EPB41: variants seen among roughly 807,000 people sequenced by gnomAD.
EPB41 encodes erythrocyte membrane protein band 4.1, also known as protein 4.1.
Under a neutral mutation model 108.0 loss-of-function variants are expected in EPB41, and 65 were observed. That is an observed-to-expected ratio of 0.60 (90% CI 0.49 to 0.74). The LOEUF is 0.74. Among genes scored for constraint, EPB41 ranks in the 30% least tolerant of loss-of-function variants. EPB41 has a pLI of 0.00. For missense variants in EPB41, 875 were observed against 1,037.0 expected (o/e 0.84, Z 2.15); for synonymous variants, 336 against 358.9 (o/e 0.94, Z 0.72).
chr1:28,925,482 A>G (rs1570695160), intron 1 of EPB41, among the ~76,000 whole-genome samples: 1 of 152,116 alleles, frequency 6.6e-6, no homozygotes, highest in East Asian at 1.9e-4. Context: ...AAGACATCAG[A>G]TTTTAGTGAG....
chr1:29,086,938 T>TCC (rs1659198838), intron 16 of EPB41, among the ~76,000 whole-genome samples: 1 of 112,616 alleles, frequency 8.9e-6, no homozygotes, highest in Non-Finnish European at 2.0e-5. Flanking sequence ...TTAACTGTGG[T>TCC]TCTTTTTTTT....
chr1:28,893,134 T>G (rs2147835320), intron 1 of EPB41, among the ~76,000 whole-genome samples: 1 of 151,150 alleles, frequency 6.6e-6, no homozygotes, highest in South Asian at 2.1e-4. Flanking sequence ...CAGGTTAGAG[T>G]ACAATGGGGT....
At chr1:29,093,473 A>G (rs1662046107) in intron 16 of EPB41, among the ~76,000 whole-genome samples, 1 of 152,208 alleles carries the variant, frequency 6.6e-6, no homozygotes, top group Non-Finnish European at 1.5e-5. Flanking sequence ...TAATTTGCAA[A>G]TATTTTCCCC....
rs528527280 is a variant in EPB41, at chr1:29,063,611, AT to A, written c.2008-1365del. On this transcript the variant is annotated intron_variant, in intron 15 of 20. Transcript: ENST00000343067. ...CAAAATTTTATTTAAATGAATTATA[AT>A]TTTTTACCCCAATACAGCTGTTTCC... 5.3e-5 allele frequency among the ~76,000 whole-genome samples: 8 copies of A among 152,270 alleles called. No individual in the cohort carries two copies. In the East Asian group the frequency reaches 1.5e-3, roughly 29 times the overall value.
chr1:29,105,438 A>C (rs1035211796), intron 17 of EPB41, among the ~76,000 whole-genome samples: 3 of 151,702 alleles, frequency 2.0e-5, no homozygotes, highest in Non-Finnish European at 2.9e-5. Flanking sequence ...GGGTTTCACC[A>C]TGTTGGCCAG....
intron 11 of EPB41, among the ~76,000 whole-genome samples, chr1:29,044,088 C>T (rs1046078481): frequency 2.6e-5 from 4 of 152,170 alleles, no homozygotes; most frequent in Non-Finnish European, 2.9e-5. Context: ...CATGTCTTTG[C>T]CATATTCAGA....
Position 29,011,032 on chromosome 1 carries a change from C to A in EPB41, c.787-833C>A, listed in dbSNP as rs908054046. Reference sequence around the variant, plus strand: ...ACTCAGGAGGCGGAGGCAGGAGAATCACTTGAACCCGGGAGGCGGAGGTTG... The same window carrying A: ...ACTCAGGAGGCGGAGGCAGGAGAATAACTTGAACCCGGGAGGCGGAGGTTG... On this transcript the variant is annotated intron_variant, in intron 4 of 20. Transcript: ENST00000343067. Among the ~76,000 whole-genome samples the A allele has an allele frequency of 5.3e-5, 8 of 150,052 alleles. No individual in the cohort carries two copies. In the East Asian group the frequency reaches 1.6e-3, roughly 29 times the overall value.
intron 16 of EPB41, chr1:29,068,733 G>T: frequency 8.1e-7 from 1 of 1,232,076 alleles, no homozygotes; most frequent in East Asian, 3.2e-5. Flanking sequence ...GTATGACCAG[G>T]TGAAGAAAAC....
intron 12 of EPB41, among the ~76,000 whole-genome samples, chr1:29,057,849 C>A (rs2150879553): frequency 6.6e-6 from 1 of 152,282 alleles, no homozygotes; most frequent in African/African-American, 2.4e-5. Flanking sequence ...AAGGATGAAT[C>A]TTGCCCTTCT....
At chr1:28,963,349 G>A (rs1338156695) in intron 1 of EPB41, among the ~76,000 whole-genome samples, 4 of 50,324 alleles carry the variant, frequency 7.9e-5, no homozygotes, top group Admixed American at 5.4e-4. Flanking sequence ...AGAATCGTGT[G>A]TGTGTGTGTG....
intron 4 of EPB41, among the ~76,000 whole-genome samples, chr1:29,005,655 G>C (rs1157836193): frequency 6.6e-6 from 1 of 152,184 alleles, no homozygotes; most frequent in Non-Finnish European, 1.5e-5. Flanking sequence ...CACCCACATG[G>C]ATGGGGAGTC....
At chr1:28,910,421 G>A (rs1490855750), upstream of EPB41, among the ~76,000 whole-genome samples, 1 of 152,184 alleles carries the variant, frequency 6.6e-6, no homozygotes, top group Non-Finnish European at 1.5e-5. Context: ...CAACAGTACT[G>A]TTCAGAACAC....
Position 28,937,476 on chromosome 1 carries a change from C to T in EPB41, c.-8+22708C>T, listed in dbSNP as rs974124536. Reference sequence around the variant, plus strand: ...ATGGCGCGATCTAGGCTTACTGCAACCTCTGCCTCACAGGCTCAAGTGATT... The same window carrying T: ...ATGGCGCGATCTAGGCTTACTGCAATCTCTGCCTCACAGGCTCAAGTGATT... On this transcript the variant is annotated intron_variant, in intron 1 of 20. Coordinates refer to ENST00000343067, the MANE Select transcript of EPB41 (RefSeq NM_001376013.1). Among the ~76,000 whole-genome samples, 6 of 152,234 alleles carry T rather than the reference C, an allele frequency of 3.9e-5. No individual in the cohort carries two copies. In the East Asian group the frequency reaches 9.7e-4, roughly 25 times the overall value.
chr1:29,092,305 C>CAGA (rs1661545595), intron 16 of EPB41, among the ~76,000 whole-genome samples: 1 of 151,986 alleles, frequency 6.6e-6, no homozygotes, highest in Non-Finnish European at 1.5e-5. Context: ...CCATGTTGGA[C>CAGA]AGACTCGAAC....
intron 17 of EPB41, among the ~76,000 whole-genome samples, chr1:29,105,709 T>C (rs1666894429): frequency 6.6e-6 from 1 of 151,896 alleles, no homozygotes; most frequent in South Asian, 2.1e-4. Context: ...TGGGAAAATA[T>C]TAATAAAGCT....
At chr1:28,926,896 G>C (rs1314961040) in intron 1 of EPB41, among the ~76,000 whole-genome samples, 2 of 152,304 alleles carry the variant, frequency 1.3e-5, no homozygotes, top group African/African-American at 4.8e-5. Context: ...TTTGTCTAGT[G>C]TTGATCTTTG....
intron 12 of EPB41, among the ~76,000 whole-genome samples, chr1:29,054,995 A>G (rs1038720130): frequency 3.9e-5 from 6 of 152,190 alleles, no homozygotes; most frequent in Admixed American, 2.6e-4. Context: ...CCCAGATCAC[A>G]CCACTGCACT....
chr1:29,018,670 TA>T lies in EPB41; in HGVS notation c.1124+231del, dbSNP rs1297555961. Among the ~76,000 whole-genome samples, 2 of 152,292 alleles carry T rather than the reference TA, an allele frequency of 1.3e-5. No homozygotes were observed. Among genetic ancestry groups the T allele is most frequent in the East Asian group, 3.9e-4 (2 of 5,186 alleles). On this transcript the variant is annotated intron_variant, in intron 7 of 20. Coordinates refer to ENST00000343067, the MANE Select transcript of EPB41 (RefSeq NM_001376013.1). This position sits in a 1 kb window ranked among gnomAD's most constrained non-coding sequence, Gnocchi z 4.4. ...TGAAAACTAAATGAGGTAATATATG[TA>T]AAGCACTTAGCACAGTGGCTGGCTC...
chr1:29,079,281 G>T (rs1212401114), intron 16 of EPB41, among the ~76,000 whole-genome samples: 1 of 151,980 alleles, frequency 6.6e-6, no homozygotes, highest in Admixed American at 6.6e-5. Flanking sequence ...ACAGGCATGA[G>T]CCCCCTCGCC....
Sources: gnomAD v4.1 joint callset for allele counts (sites outside exome capture counted in the v4.1 genomes callset) on GRCh38, gnomAD v4.1.1 for gene constraint, Gnocchi (gnomAD v3.1) non-coding constraint, MANE v1.5 for transcripts, NCBI Gene and HGNC (gene_info 2026-07-23, HGNC 2026-07-21) for gene names.